Variants in GRID2 observed in about 807,000 individuals in gnomAD.
The protein encoded by GRID2 is glutamate ionotropic receptor delta type subunit 2.
In GRID2, 33 loss-of-function variants were observed where a neutral mutation model predicts 114.8. The ratio of observed to expected loss-of-function variants is 0.29; its 90% CI spans 0.22 to 0.38. The LOEUF is 0.38. Among genes scored for constraint, GRID2 ranks in the 10% least tolerant of loss-of-function variants. The probability of loss-of-function intolerance (pLI) is 1.00; values close to 1 mark genes in which losing one functional copy is unlikely to be tolerated. For missense variants in GRID2, 1,184 were observed against 1,257.7 expected (o/e 0.94, Z 0.89); for synonymous variants, 505 against 449.9 (o/e 1.12, Z -1.55).
At chr4:93,807,499 A>G (rs962671944) in exon 2 of GRID2, 1 of 152,120 alleles carries the variant, frequency 6.6e-6, no homozygotes, top group Non-Finnish European at 1.5e-5. Context: ...TTTTTCCCCA[A>G]TGGCCATCAA....
intron 1 of GRID2, among the ~76,000 whole-genome samples, chr4:92,484,324 G>T (rs1048528185): frequency 6.6e-6 from 1 of 152,044 alleles, no homozygotes; most frequent in African/African-American, 2.4e-5. Flanking sequence ...TTCCCTTGAA[G>T]AAAGTTAGTA....
At chr4:93,724,817 T>A (rs1324036833) in intron 14 of GRID2, among the ~76,000 whole-genome samples, 2 of 152,050 alleles carry the variant, frequency 1.3e-5, no homozygotes, top group Non-Finnish European at 2.9e-5. Flanking sequence ...TCTCACTCTG[T>A]CGCCCAAGCT....
intron 4 of GRID2, among the ~76,000 whole-genome samples, chr4:93,173,445 A>G (rs1739042941): frequency 6.6e-6 from 1 of 152,128 alleles, no homozygotes; most frequent in South Asian, 2.1e-4. Context: ...AAAGAGAGGG[A>G]GGGAGGAAGA....
intron 2 of GRID2, among the ~76,000 whole-genome samples, chr4:92,938,459 A>C (rs1356809205): frequency 6.8e-6 from 1 of 146,816 alleles, no homozygotes; most frequent in African/African-American, 2.4e-5. Flanking sequence ...AGTATGGCCT[A>C]CTACTTCTAT....
At chr4:92,822,213 G>A in intron 2 of GRID2, 1 of 503,380 alleles carries the variant, frequency 2.0e-6, no homozygotes, top group South Asian at 1.6e-5. Context: ...AAAGCACAGG[G>A]CATTGATGAT....
chr4:93,322,086 G>T (rs2149210762), intron 8 of GRID2, among the ~76,000 whole-genome samples: 2 of 146,054 alleles, frequency 1.4e-5, no homozygotes, highest in African/African-American at 2.6e-5. Flanking sequence ...TAGGGTACAA[G>T]TGCACAACAT....
intron 13 of GRID2, among the ~76,000 whole-genome samples, chr4:93,619,089 T>C (rs938355124): frequency 6.6e-6 from 1 of 152,202 alleles, no homozygotes; most frequent in East Asian, 1.9e-4. Context: ...TCATATATTC[T>C]TTTTGAAAGT....
chr4:92,901,206 A>G (rs907057035), intron 2 of GRID2, among the ~76,000 whole-genome samples: 1 of 152,168 alleles, frequency 6.6e-6, no homozygotes, highest in African/African-American at 2.4e-5. Context: ...GTGTATAAGC[A>G]TTCACTTTTC....
rs181263814 is a variant in GRID2, at chr4:92,825,360, A to G, written c.244+235074A>G. Reference sequence around the variant, plus strand: ...TACTAAAACTCTTGGCCAGGTACCAAGTTACATGAACATAAGCAGCAGCTC... The same window carrying G: ...TACTAAAACTCTTGGCCAGGTACCAGGTTACATGAACATAAGCAGCAGCTC... On this transcript the variant is annotated intron_variant, in intron 2 of 15. Coordinates refer to ENST00000282020, the MANE Select transcript of GRID2 (RefSeq NM_001510.4). Among the ~76,000 whole-genome samples, 716 of 152,278 alleles carry G rather than the reference A, an allele frequency of 4.7e-3. 10 individuals carry two copies. The highest frequency in any genetic ancestry group is 0.016 in the African/African-American group (679 of 41,570).
chr4:92,811,394 G>T (rs1740656578), intron 2 of GRID2, among the ~76,000 whole-genome samples: 3 of 151,782 alleles, frequency 2.0e-5, no homozygotes, highest in African/African-American at 7.3e-5. Flanking sequence ...CTGTAAAATT[G>T]CTTTCTTTAC....
chr4:93,351,259 A>G (rs1455164759), intron 8 of GRID2, among the ~76,000 whole-genome samples: 2 of 152,040 alleles, frequency 1.3e-5, no homozygotes, highest in Non-Finnish European at 2.9e-5. Flanking sequence ...GCAAATAGTT[A>G]TTTAGTTGGT....
At chr4:92,879,779 C>A (rs548090424) in intron 2 of GRID2, among the ~76,000 whole-genome samples, 1 of 152,148 alleles carries the variant, frequency 6.6e-6, no homozygotes, top group African/African-American at 2.4e-5. Context: ...GTTAAGTAAA[C>A]ATCATGCAAT....
intron 14 of GRID2, among the ~76,000 whole-genome samples, chr4:93,724,061 G>A (rs1729625461): frequency 1.3e-5 from 2 of 152,274 alleles, no homozygotes; most frequent in East Asian, 3.9e-4. Context: ...ATGAGTTACT[G>A]TTGAAATGTG....
chr4:92,563,077 T>C (rs889549703), intron 1 of GRID2, among the ~76,000 whole-genome samples: 1 of 152,188 alleles, frequency 6.6e-6, no homozygotes, highest in African/African-American at 2.4e-5. Context: ...GCCTCATGAG[T>C]GGCAGTGGCC....
At chr4:93,084,910 A>G in intron 2 of GRID2, 85 bp from the exon 3 acceptor site, 1 of 963,894 alleles carries the variant, frequency 1.0e-6, no homozygotes, top group South Asian at 1.6e-5. Flanking sequence ...AAAAATCTGT[A>G]AGCTTTATCC....
intron 14 of GRID2, among the ~76,000 whole-genome samples, chr4:93,717,052 T>A (rs2110183440): frequency 6.6e-6 from 1 of 152,258 alleles, no homozygotes; most frequent in South Asian, 2.1e-4. Context: ...ATTAAAAGAT[T>A]TCCTGCTAAC....
Position 92,752,535 on chromosome 4 carries a change from C to T in GRID2, c.244+162249C>T, listed in dbSNP as rs986622513. Among the ~76,000 whole-genome samples the T allele has an allele frequency of 3.8e-4, 57 of 151,958 alleles. 1 individual carries two copies. Among genetic ancestry groups the T allele is most frequent in the African/African-American group, 9.7e-4 (40 of 41,424 alleles). ...CTGTAGTGTTTAAAATGTTCATGGG[C>T]GTAGAGAGATATGAAGGGATATTTT... On this transcript the variant is annotated intron_variant, in intron 2 of 15. Transcript: ENST00000282020.
intron 14 of GRID2, among the ~76,000 whole-genome samples, chr4:93,690,618 T>G (rs1726473778): frequency 6.6e-6 from 1 of 151,806 alleles, no homozygotes; most frequent in Non-Finnish European, 1.5e-5. Flanking sequence ...AAAGAAATAT[T>G]TCTCATCACA....
chr4:92,362,042 G>T (rs1728642434), intron 1 of GRID2, among the ~76,000 whole-genome samples: 1 of 151,956 alleles, frequency 6.6e-6, no homozygotes, highest in Admixed American at 6.6e-5. Context: ...AAAAATATGA[G>T]GTGAGACACT....
Sources: allele counts gnomAD v4.1 joint callset (sites outside exome capture counted in the v4.1 genomes callset), GRCh38; gene constraint gnomAD v4.1.1; transcripts MANE v1.5; gene names NCBI Gene and HGNC (gene_info 2026-07-23, HGNC 2026-07-21).